The following HKDC1 variants were observed in gnomAD, a reference collection of about 807,000 sequenced individuals.
HKDC1 encodes hexokinase HKDC1.
HKDC1 carries 66 observed loss-of-function variants against 96.6 expected under a neutral mutation model. That is an observed-to-expected ratio of 0.68 (90% CI 0.56 to 0.84). The LOEUF (loss-of-function observed/expected upper bound fraction) is 0.84, where lower values mean the gene tolerates loss of function less well. HKDC1 is among the 40% of genes least tolerant of loss of function. The probability of loss-of-function intolerance (pLI) is 0.00; values close to 1 mark genes in which losing one functional copy is unlikely to be tolerated. For synonymous variants in HKDC1, 466 were observed against 473.1 expected, an observed-to-expected ratio of 0.98 and a Z score of 0.20; for missense variants, 1,211 against 1,208.1, an observed-to-expected ratio of 1.00 and a Z score of -0.04.
intron 1 of HKDC1, among the ~76,000 whole-genome samples, chr10:69,225,438 A>T (rs529471302): frequency 6.6e-6 from 1 of 152,194 alleles, no homozygotes; most frequent in Non-Finnish European, 1.5e-5. Flanking sequence ...GAAGCCCTTA[A>T]TGAAGCCTGA....
rs939633442 is a variant in HKDC1 at position 69,237,620 on chromosome 10, T to A, written c.496-1422T>A. 5.3e-5 allele frequency among the ~76,000 whole-genome samples: 8 copies of A among 152,226 alleles called. 1 individual carries two copies. The South Asian group carries it at 1.7e-3, about 31-fold the overall frequency. ...TTTAACATTCTATCGCAAGCATTTA[T>A]CCCTCACTTCCCCCATCCACCTTCC... is the stretch of plus-strand genomic sequence containing the variant. On this transcript the variant is annotated intron_variant, in intron 4 of 17. Transcript: ENST00000354624.
rs754029023 is a variant in HKDC1, at chr10:69,249,779, G to A, written c.1571-511G>A. 3.9e-5 allele frequency among the ~76,000 whole-genome samples: 6 copies of A among 152,162 alleles called. No individual in the cohort carries two copies. In the South Asian group the frequency reaches 8.3e-4, roughly 21 times the overall value. On this transcript the variant is annotated intron_variant, in intron 10 of 17. Coordinates refer to ENST00000354624, the MANE Select transcript of HKDC1 (RefSeq NM_025130.4). ...CTCCCAAAGTGCTGGGATTACAGGC[G>A]TGAGCCACCGCGCCAGACCGGAGGC...
Position 69,248,627 on chromosome 10 carries a change from A to C in HKDC1, c.1469A>C (p.Lys490Thr), listed in dbSNP as rs756987165. The change falls in exon 10 of 18, where the codon AAG (lysine) becomes ACG (threonine). Residue 490 changes from lysine to threonine, a missense_variant. Physicochemically the swap from Lys to Thr is moderately conservative, Grantham distance 78 (BLOSUM62 -1). Transcript: ENST00000354624. The stretch of plus-strand genomic sequence containing the variant: ...GAGCAGCTCGTGGACGTGCAGGCCA[A>C]GATGCGGGCTGAGCTGGAGTATGGG... ...TREQLVDVQA[K>T]MRAELEYGLK... is the part of the protein sequence containing the mutation. The C allele has an allele frequency of 6.2e-7, 1 of 1,614,152 alleles. No homozygotes were observed. The highest frequency in any genetic ancestry group is 8.5e-7 in the Non-Finnish European group (1 of 1,180,030).
intron 1 of HKDC1, among the ~76,000 whole-genome samples, chr10:69,226,785 G>A (rs1163453384): frequency 6.6e-6 from 1 of 152,216 alleles, no homozygotes; most frequent in Non-Finnish European, 1.5e-5. Context: ...GGTCATCATT[G>A]GATGAAAGAA....
At chr10:69,226,755 A>G (rs1252202004) in intron 1 of HKDC1, among the ~76,000 whole-genome samples, 2 of 152,094 alleles carry the variant, frequency 1.3e-5, no homozygotes, top group Non-Finnish European at 2.9e-5. Context: ...ACAAAGAGAA[A>G]CCTGTCTAGC....
Position 69,265,611 on chromosome 10 carries a change from G to A in HKDC1, c.2399G>A (p.Arg800Lys). 6.2e-7 allele frequency: 1 copy of A among 1,613,802 alleles called. No individual in the cohort carries two copies. The highest frequency in any genetic ancestry group is 8.5e-7 in the Non-Finnish European group (1 of 1,179,940). The change falls in exon 17 of 18, where the codon AGG becomes AAG. Residue 800 changes from arginine to lysine, a missense_variant. Transcript: ENST00000354624. The part of the protein sequence containing the change: ...ESDRLALLQV[R>K]RILQQLGLDS... ...GATCGGCTGGCCCTTCTCCAGGTCA[G>A]GAGGATTCTGCAGCAGCTGGGCCTG...
chr10:69,250,119 G>A (rs1843614190), intron 10 of HKDC1, among the ~76,000 whole-genome samples, 171 bp from the exon 11 acceptor site: 1 of 152,192 alleles, frequency 6.6e-6, no homozygotes, highest in Admixed American at 6.5e-5. Flanking sequence ...GCAGGCTCAA[G>A]ATGCCTGCCC....
At chr10:69,244,882 G>A (rs1323848413) in intron 7 of HKDC1, among the ~76,000 whole-genome samples, 1 of 151,914 alleles carries the variant, frequency 6.6e-6, no homozygotes, top group Admixed American at 6.6e-5. Context: ...TCTTTTGATT[G>A]TCTTCTGTTT....
At chr10:69,266,247 G>A (rs900269911) in intron 17 of HKDC1, among the ~76,000 whole-genome samples, 2 of 152,050 alleles carry the variant, frequency 1.3e-5, no homozygotes, top group African/African-American at 4.8e-5. Flanking sequence ...GACCAGCCTG[G>A]GCAACACAGG....
intron 16 of HKDC1, among the ~76,000 whole-genome samples, chr10:69,262,910 T>C (rs1226632446): frequency 6.6e-6 from 1 of 150,954 alleles, no homozygotes; most frequent in African/African-American, 2.4e-5. Context: ...AGTTTACTTA[T>C]CTTTGCCTTG....
Position 69,265,836 on chromosome 10 carries a change from G to A in HKDC1, c.2606+18G>A. Reference sequence around the variant, plus strand: ...CACCCTCAGTGAGTGCCCACAAGAGGCGTGGCGGGTGGGGCTGGGGAGGGC... The same window carrying A: ...CACCCTCAGTGAGTGCCCACAAGAGACGTGGCGGGTGGGGCTGGGGAGGGC... On this transcript the variant is annotated intron_variant, in intron 17 of 17. Transcript: ENST00000354624. The A allele has an allele frequency of 6.3e-7, 1 of 1,585,584 alleles. No homozygotes were observed. The highest frequency in any genetic ancestry group is 8.6e-7 in the Non-Finnish European group (1 of 1,158,678).
At chr10:69,255,397 T>C (rs1843703099) in intron 12 of HKDC1, among the ~76,000 whole-genome samples, 1 of 152,130 alleles carries the variant, frequency 6.6e-6, no homozygotes, top group Non-Finnish European at 1.5e-5. Context: ...AGACTGGGGC[T>C]TGTGGGCTAA....
rs1343239175 is a variant in HKDC1 at position 69,267,005 on chromosome 10, G to A, written c.*248G>A. 1 of 369,338 alleles carries A rather than the reference G, an allele frequency of 2.7e-6. No homozygotes were observed. The highest frequency in any genetic ancestry group is 2.1e-5 in the African/African-American group (1 of 48,162). 22.9% of individuals were successfully genotyped at this position (369,338 alleles called of 1,614,324 possible). On this transcript the variant is annotated 3_prime_UTR_variant, in exon 18 of 18. Coordinates refer to ENST00000354624, the MANE Select transcript of HKDC1 (RefSeq NM_025130.4). ...TATGAAATCAAAGTGTCTGTCCTGA[G>A]AGATCCCCTTTCAACACATTGTTCA...
chr10:69,250,445 A>G lies in HKDC1; in HGVS notation c.1716+10A>G. ...GGGCACTGGTGAGGAGGTAAGTGCC[A>G]GGCAAGGCCTTTGGGCTCCGAGGTG... On this transcript the variant is annotated intron_variant, in intron 11 of 17. Coordinates refer to ENST00000354624, the MANE Select transcript of HKDC1 (RefSeq NM_025130.4). The G allele has an allele frequency of 1.2e-6, 2 of 1,612,202 alleles. No homozygotes were observed. Among genetic ancestry groups the G allele is most frequent in the Non-Finnish European group, 1.7e-6 (2 of 1,178,412 alleles).
At chr10:69,230,909 C>T (rs376498539) in intron 2 of HKDC1, among the ~76,000 whole-genome samples, 11 of 152,302 alleles carry the variant, frequency 7.2e-5, no homozygotes, top group African/African-American at 2.2e-4. Context: ...TGTGAGCCAC[C>T]GTGCCTGGCC....
chr10:69,260,739 G>A (rs1843792406), intron 15 of HKDC1, among the ~76,000 whole-genome samples: 1 of 152,090 alleles, frequency 6.6e-6, no homozygotes, highest in South Asian at 2.1e-4. Flanking sequence ...TGGAGCTCAC[G>A]GTCTGGTAGA....
intron 16 of HKDC1, chr10:69,265,288 G>C (rs796225030): frequency 1.1e-5 from 4 of 353,870 alleles, no homozygotes; most frequent in African/African-American, 8.7e-5. Context: ...CTGAAAAATG[G>C]GTACCTGGTG....
intron 1 of HKDC1, among the ~76,000 whole-genome samples, chr10:69,223,471 T>C (rs1843099632): frequency 6.6e-6 from 1 of 152,272 alleles, no homozygotes; most frequent in African/African-American, 2.4e-5. Flanking sequence ...AATGTCTTCT[T>C]AATATCCAAT....
chr10:69,247,571 A>G lies in HKDC1; in HGVS notation c.1243A>G (p.Thr415Ala). 6 of 1,614,054 alleles carry G rather than the reference A, an allele frequency of 3.7e-6. No homozygotes were observed. Among genetic ancestry groups the G allele is most frequent in the Non-Finnish European group, 5.1e-6 (6 of 1,179,994 alleles). ...RLRTTVGMDG[T>A]LYKIHPQYPK... ...CCGGACCACAGTGGGCATGGACGGCACCCTCTACAAGATACACCCTCAGTG... is the reference window on the plus strand; with the variant it reads ...CCGGACCACAGTGGGCATGGACGGCGCCCTCTACAAGATACACCCTCAGTG... The change falls in exon 9 of 18, where the codon ACC becomes GCC. Residue 415 changes from threonine to alanine, a missense_variant. By Grantham distance (58) the Thr-to-Ala change is moderately conservative. Transcript: ENST00000354624.
Sources: allele counts gnomAD v4.1 joint callset (sites outside exome capture counted in the v4.1 genomes callset), GRCh38; gene constraint gnomAD v4.1.1; transcripts MANE v1.5; gene names NCBI Gene and HGNC (gene_info 2026-07-23, HGNC 2026-07-21).